ERC2: variants seen among roughly 807,000 people sequenced by gnomAD.
ERC2 encodes ERC protein 2.
Under a neutral mutation model 114.8 loss-of-function variants are expected in ERC2, and 42 were observed. The ratio of observed to expected loss-of-function variants is 0.37; its 90% confidence interval spans 0.29 to 0.47. The LOEUF (loss-of-function observed/expected upper bound fraction) is 0.47, where lower values mean the gene tolerates loss of function less well. Among genes scored for constraint, ERC2 ranks in the 20% least tolerant of loss-of-function variants. The pLI, the probability that ERC2 is intolerant of heterozygous loss-of-function variation, is 0.99. For synonymous variants in ERC2, 454 were observed against 425.5 expected (o/e 1.07, Z -0.82); for missense variants, 939 against 1,150.7 (o/e 0.82, Z 2.66).
At chr3:56,230,724 A>C (rs1448222474) in intron 3 of ERC2, among the ~76,000 whole-genome samples, 1 of 152,232 alleles carries the variant, frequency 6.6e-6, no homozygotes, top group African/African-American at 2.4e-5. Context: ...GAGCTAAATG[A>C]AACATTTGTG....
At chr3:55,801,748 T>C (rs1334222379) in intron 14 of ERC2, among the ~76,000 whole-genome samples, 2 of 152,242 alleles carry the variant, frequency 1.3e-5, no homozygotes, top group African/African-American at 4.8e-5. Flanking sequence ...GGGACCCTTG[T>C]TAAGAAATTA....
intron 7 of ERC2, among the ~76,000 whole-genome samples, chr3:56,026,047 C>T (rs901496698): frequency 2.0e-5 from 3 of 148,544 alleles, no homozygotes; most frequent in Non-Finnish European, 4.4e-5. Flanking sequence ...CCCCCTTCCT[C>T]CGTTTCTTTC....
rs78111186 is a variant in ERC2 at position 55,639,511 on chromosome 3, A to C, written c.*39+44283T>G. Among the ~76,000 whole-genome samples the C allele has an allele frequency of 1.3e-5, 2 of 152,164 alleles. 1 individual carries two copies. Among genetic ancestry groups the C allele is most frequent in the South Asian group, 4.1e-4 (2 of 4,822 alleles). On this transcript the variant is annotated intron_variant, in intron 17 of 17. Transcript: ENST00000288221. Reference sequence around the variant, plus strand: ...AAAGAGGAAGAAGAGTCTGGGACACACTGTCTGGCACAAAATAGACACAGA... The same window carrying C: ...AAAGAGGAAGAAGAGTCTGGGACACCCTGTCTGGCACAAAATAGACACAGA...
At chr3:56,309,162 T>C (rs1576370503) in intron 2 of ERC2, among the ~76,000 whole-genome samples, 2 of 152,326 alleles carry the variant, frequency 1.3e-5, no homozygotes, top group East Asian at 3.9e-4. Flanking sequence ...TGGTCTAGCC[T>C]CTAGGCTTTC....
At chr3:56,111,403 C>T (rs1041686936) in intron 6 of ERC2, among the ~76,000 whole-genome samples, 26 of 151,754 alleles carry the variant, frequency 1.7e-4, no homozygotes, top group Non-Finnish European at 3.1e-4. Context: ...CCCTCTCTCT[C>T]TCTCAGTTCT....
At chr3:55,946,952 C>T (rs2067161649) in intron 13 of ERC2, among the ~76,000 whole-genome samples, 1 of 152,170 alleles carries the variant, frequency 6.6e-6, no homozygotes. Context: ...AGGGTGTATT[C>T]TTAGTCACTT....
intron 6 of ERC2, among the ~76,000 whole-genome samples, chr3:56,090,060 T>A (rs1336136535): frequency 6.6e-6 from 1 of 152,228 alleles, no homozygotes; most frequent in Non-Finnish European, 1.5e-5. Context: ...ATGACCTTGA[T>A]GGCTGGTAAT....
chr3:55,519,419 T>C (rs966935778), intron 17 of ERC2, among the ~76,000 whole-genome samples: 2 of 152,184 alleles, frequency 1.3e-5, no homozygotes, highest in African/African-American at 2.4e-5. Context: ...CCAGGGCCCA[T>C]TGATGCTGGC....
chr3:56,142,986 T>G (rs1362086336), intron 5 of ERC2, among the ~76,000 whole-genome samples: 1 of 152,240 alleles, frequency 6.6e-6, no homozygotes, highest in African/African-American at 2.4e-5. Context: ...TCCGATCATC[T>G]TGCACAGCAC....
At chr3:55,738,140 T>C (rs1168619542) in intron 14 of ERC2, among the ~76,000 whole-genome samples, 1 of 152,158 alleles carries the variant, frequency 6.6e-6, no homozygotes, top group Non-Finnish European at 1.5e-5. Context: ...GTCATCTGCC[T>C]GCATCCATGG....
At chr3:55,898,500 C>A (rs2063950923) in intron 13 of ERC2, among the ~76,000 whole-genome samples, 1 of 152,144 alleles carries the variant, frequency 6.6e-6, no homozygotes, top group Non-Finnish European at 1.5e-5. Flanking sequence ...GGAGCTTGAC[C>A]TCTATGTACG....
At chr3:56,078,368 T>C (rs2077073468) in intron 7 of ERC2, among the ~76,000 whole-genome samples, 2 of 152,228 alleles carry the variant, frequency 1.3e-5, no homozygotes, top group African/African-American at 4.8e-5. Context: ...GTTTTTAAAA[T>C]GTGACAGACT....
intron 4 of ERC2, among the ~76,000 whole-genome samples, chr3:56,162,173 T>C (rs112402390): frequency 5.6e-4 from 86 of 152,318 alleles, no homozygotes; most frequent in African/African-American, 2.0e-3. Flanking sequence ...TCTGTTTATG[T>C]GTTGAACACA....
intron 2 of ERC2, among the ~76,000 whole-genome samples, chr3:56,317,155 C>T (rs1358505381): frequency 6.6e-6 from 1 of 152,142 alleles, no homozygotes; most frequent in African/African-American, 2.4e-5. Context: ...TGAGGCAGCA[C>T]AGAGGAGGGA....
chr3:56,058,295 A>C (rs748313981), intron 7 of ERC2, among the ~76,000 whole-genome samples: 12 of 152,158 alleles, frequency 7.9e-5, no homozygotes, highest in Non-Finnish European at 1.2e-4. Flanking sequence ...ACTTAATCCA[A>C]CGGCTGGCTC....
At chr3:56,347,040 T>A (rs955091546) in intron 2 of ERC2, among the ~76,000 whole-genome samples, 14 of 152,168 alleles carry the variant, frequency 9.2e-5, no homozygotes, top group African/African-American at 3.4e-4. Flanking sequence ...AGGGGCACAT[T>A]CAAACCACAG....
At chr3:55,687,480 TC>T in intron 16 of ERC2, among the ~76,000 whole-genome samples, 1 of 152,060 alleles carries the variant, frequency 6.6e-6, no homozygotes. Context: ...TTACTGTCAC[TC>T]CTGTCCTAGA....
intron 4 of ERC2, among the ~76,000 whole-genome samples, chr3:56,165,029 A>C (rs1452214): frequency 6.6e-6 from 1 of 151,782 alleles, no homozygotes; most frequent in Non-Finnish European, 1.5e-5. Flanking sequence ...CAAATCATAG[A>C]CTTTCAAAAT....
chr3:56,139,732 C>A (rs111724824), intron 5 of ERC2, 56 bp from the exon 6 acceptor site: 1 of 1,503,310 alleles, frequency 6.7e-7, no homozygotes, highest in Non-Finnish European at 9.0e-7. Context: ...CTACACTTTA[C>A]ATTGGACAAC....
Sources: allele counts gnomAD v4.1 joint callset (sites outside exome capture counted in the v4.1 genomes callset), GRCh38; gene constraint gnomAD v4.1.1; transcripts MANE v1.5; gene names NCBI Gene and HGNC (gene_info 2026-07-23, HGNC 2026-07-21).